KCNAB2: variants seen among roughly 807,000 people sequenced by gnomAD.
KCNAB2 encodes the protein potassium voltage-gated channel subfamily A regulatory beta subunit 2.
A neutral mutation model predicts 63.6 loss-of-function variants in KCNAB2; 29 were observed. That is an observed-to-expected ratio of 0.46 (90% CI 0.34 to 0.62). The LOEUF (loss-of-function observed/expected upper bound fraction) is 0.62. Among genes scored for constraint, KCNAB2 ranks in the 20% least tolerant of loss-of-function variants. KCNAB2 has a pLI of 0.01. For missense variants in KCNAB2, 359 were observed against 563.9 expected (o/e 0.64, Z 3.68); for synonymous variants, 222 against 224.2 (o/e 0.99, Z 0.09).
rs1314219915 is a variant in KCNAB2 at position 6,028,271 on chromosome 1, C to T, written c.-52-12246C>T. ...TGTGTAAGTGCCCTTCTGTGTCATG[C>T]GGTTTTGAGCAGTTATACCTCTTCC... On this transcript the variant is annotated intron_variant, in intron 1 of 16. Coordinates refer to the KCNAB2 transcript ENST00000341524. The surrounding 1 kb of genome is among the most constrained non-coding windows in gnomAD (Gnocchi z 4.0). 2.6e-5 allele frequency among the ~76,000 whole-genome samples: 4 copies of T among 152,188 alleles called. No individual in the cohort carries two copies. The highest frequency in any genetic ancestry group is 1.9e-4 in the East Asian group (1 of 5,192).
chr1:6,075,975 C>T (rs143047700), intron 4 of KCNAB2, among the ~76,000 whole-genome samples: 6 of 152,360 alleles, frequency 3.9e-5, no homozygotes, highest in Non-Finnish European at 5.9e-5. Flanking sequence ...GACATAGCCA[C>T]GCCCATCATT....
intron 2 of KCNAB2, among the ~76,000 whole-genome samples, chr1:6,053,863 C>T (rs572819287): frequency 6.6e-5 from 10 of 151,840 alleles, no homozygotes; most frequent in Non-Finnish European, 1.0e-4. Context: ...GGTAACATGG[C>T]GAAACCCCAT....
rs545211704 is a variant in KCNAB2, at chr1:6,038,043, T to A, written c.-52-2474T>A. On this transcript the variant is annotated intron_variant, in intron 1 of 15. Coordinates refer to the KCNAB2 transcript ENST00000164247. ...GCGCCCGCCATCACACCCAGCTAAT[T>A]TTTTTTGTATTTTTTAGTAGAGACG... Among the ~76,000 whole-genome samples the A allele has an allele frequency of 1.5e-4, 22 of 151,600 alleles. No homozygotes were observed. In the South Asian group the frequency reaches 1.9e-3, roughly 13 times the overall value.
Position 6,099,906 on chromosome 1 carries a change from C to A in KCNAB2, c.*1332C>A. The A allele has an allele frequency of 6.5e-7, 1 of 1,550,368 alleles. No individual in the cohort carries two copies. Among genetic ancestry groups the A allele is most frequent in the Non-Finnish European group, 8.7e-7 (1 of 1,146,896 alleles). On this transcript the variant is annotated 3_prime_UTR_variant, in exon 16 of 16. Transcript: ENST00000378083. ...AGGGCAAGGGATGCCAGTAAGTCTG[C>A]AGGTGCGGGGTGCCACCTACAGGCC... is the stretch of plus-strand genomic sequence containing the variant.
At position 6,051,681 on chromosome 1, in the gene KCNAB2, A is replaced by T. The variant is rs1006377045; in HGVS notation, c.145A>T (p.Met49Leu). ...GCGGGCGGCTGCCCAGGCCAGGAACATGGAGAGCTTCCTCCGCATGCACGG... is the reference window on the plus strand; with the variant it reads ...GCGGGCGGCTGCCCAGGCCAGGAACTTGGAGAGCTTCCTCCGCATGCACGG... ...EVRAAAQARN[M>L]ESFLRMHGLS... Residue 49 changes from methionine (M) to leucine (L), a missense_variant, in exon 2 of 16, where the codon ATG (methionine) becomes TTG (leucine). By Grantham distance (15) the Met-to-Leu change is conservative. Transcript: ENST00000378083. 4 of 1,533,912 alleles carry T rather than the reference A, an allele frequency of 2.6e-6. No individual in the cohort carries two copies. Among genetic ancestry groups the T allele is most frequent in the East Asian group, 2.4e-5 (1 of 40,914 alleles).
At position 6,096,131 on chromosome 1, in the gene KCNAB2, C is replaced by T. The variant is rs539056137; in HGVS notation, c.949-505C>T. The T allele has an allele frequency of 1.1e-5, 5 of 457,698 alleles. No individual in the cohort carries two copies. Among genetic ancestry groups the T allele is most frequent in the East Asian group, 6.9e-5 (1 of 14,402 alleles). The allele number at this position is 457,698 out of a possible 1,614,324, so 28.4% of individuals were successfully genotyped here. On this transcript the variant is annotated intron_variant, in intron 13 of 15. Transcript: ENST00000378083. This position sits in a 1 kb window ranked among gnomAD's most constrained non-coding sequence, Gnocchi z 5.9. ...AGAAAGTCTGCCCAGCCAGCAGTCT[C>T]AGCACTGGGGCCCACAGCCCTGGGT...
Position 6,051,642 on chromosome 1 carries a change from C to T in KCNAB2, c.106C>T (p.Arg36Trp), listed in dbSNP as rs1454004441. 15 of 1,534,248 alleles carry T rather than the reference C, an allele frequency of 9.8e-6. No individual in the cohort carries two copies. The highest frequency in any genetic ancestry group is 1.4e-5 in the African/African-American group (1 of 73,010). ...CCAGACGGACACGCTGGAACTGCAG[C>T]GGCTGCGGGAGGTGCGGGCGGCTGC... ...VRQTDTLELQ[R>W]LREVRAAAQA... is the part of the protein sequence containing the mutation. Residue 36 changes from arginine (R) to tryptophan (W), a missense_variant, in exon 2 of 16, where the codon CGG becomes TGG. Arg to Trp is a moderately radical substitution (Grantham distance 101). Coordinates refer to ENST00000378083, the MANE Select transcript of KCNAB2 (RefSeq NM_001199862.2).
intron 1 of KCNAB2, among the ~76,000 whole-genome samples, chr1:6,026,927 G>A (rs775308506): frequency 3.9e-5 from 6 of 152,192 alleles, no homozygotes; most frequent in Non-Finnish European, 7.3e-5. Context: ...TGGAAGGCGC[G>A]AAGGCCCCTG....
At chr1:6,082,906 G>T (rs1384341611) in intron 5 of KCNAB2, among the ~76,000 whole-genome samples, 7 of 152,162 alleles carry the variant, frequency 4.6e-5, no homozygotes, top group African/African-American at 1.7e-4. Flanking sequence ...CCGTCAGCCG[G>T]GCAGGCTGCA....
At chr1:6,025,699 TAG>T (rs1659103171) in intron 1 of KCNAB2, among the ~76,000 whole-genome samples, 1 of 152,200 alleles carries the variant, frequency 6.6e-6, no homozygotes, top group Non-Finnish European at 1.5e-5. Context: ...GAGCACACTT[TAG>T]AGTCAGCCAG....
chr1:6,036,867 G>A (rs1660084344), intron 1 of KCNAB2, among the ~76,000 whole-genome samples: 1 of 152,178 alleles, frequency 6.6e-6, no homozygotes, highest in South Asian at 2.1e-4. Context: ...CGTAGAGCAG[G>A]TGCCCATAGA....
Position 6,035,030 on chromosome 1 carries a change from G to C in KCNAB2, c.-53+236G>C, listed in dbSNP as rs879751889. Among the ~76,000 whole-genome samples, 3 of 152,158 alleles carry C rather than the reference G, an allele frequency of 2.0e-5. No individual in the cohort carries two copies. Among genetic ancestry groups the C allele is most frequent in the Non-Finnish European group, 4.4e-5 (3 of 68,028 alleles). ...GGAGTGTGGGGGAGACGGGGACTGCGATGAAAGGGAGGCGTCCAGGGAAGA... is the reference window on the plus strand; with the variant it reads ...GGAGTGTGGGGGAGACGGGGACTGCCATGAAAGGGAGGCGTCCAGGGAAGA... On this transcript the variant is annotated intron_variant, in intron 1 of 15. Transcript: ENST00000164247. This position sits in a 1 kb window ranked among gnomAD's most constrained non-coding sequence, Gnocchi z 5.0.
intron 4 of KCNAB2, among the ~76,000 whole-genome samples, chr1:6,079,101 G>A (rs1203618840): frequency 6.6e-6 from 1 of 152,182 alleles, no homozygotes; most frequent in Non-Finnish European, 1.5e-5. Context: ...GCTCCCCAGG[G>A]TTTGACCGGA....
chr1:6,095,465 G>GCGCCCCC, intron 12 of KCNAB2, 22 bp downstream of exon 12: 4 of 1,586,118 alleles, frequency 2.5e-6, no homozygotes, highest in Non-Finnish European at 3.5e-6. Flanking sequence ...CGGGCCCCTC[G>GCGCCCCC]CCCCGCCCCA....
In KCNAB2 at chr1:6,079,583, T is replaced by G. The variant is rs562767394; in HGVS notation, c.301-2612T>G. Among the ~76,000 whole-genome samples the G allele has an allele frequency of 7.2e-5, 11 of 152,048 alleles. 1 individual carries two copies. In the South Asian group the frequency reaches 2.3e-3, roughly 32 times the overall value. ...CATGTGATACCCCTTGGATGAACCT[T>G]GAACCTTGAGGACATTACACTCACT... is the stretch of plus-strand genomic sequence containing the variant. On this transcript the variant is annotated intron_variant, in intron 4 of 15. Transcript: ENST00000378083.
intron 1 of KCNAB2, among the ~76,000 whole-genome samples, chr1:6,016,698 G>A (rs942634210): frequency 6.6e-6 from 1 of 152,210 alleles, no homozygotes; most frequent in East Asian, 1.9e-4. Context: ...GACGGCAGCG[G>A]TGACACTGCA....
At chr1:6,008,447 C>T (rs1257634351) in intron 1 of KCNAB2, among the ~76,000 whole-genome samples, 3 of 152,074 alleles carry the variant, frequency 2.0e-5, no homozygotes, top group Admixed American at 6.6e-5. Context: ...ACGGTGAAAC[C>T]CCGTCTCTAC....
In KCNAB2 at chr1:6,100,022, C is replaced by T; in HGVS notation, c.*1448C>T. The T allele has an allele frequency of 6.5e-7, 1 of 1,529,586 alleles. No individual in the cohort carries two copies. Among genetic ancestry groups the T allele is most frequent in the Non-Finnish European group, 8.8e-7 (1 of 1,136,182 alleles). 94.8% of individuals were successfully genotyped at this position (1,529,586 alleles called of 1,614,324 possible). A position where few individuals can be genotyped will look rare whatever the true frequency, so the allele number is the denominator to read the frequency against. On this transcript the variant is annotated 3_prime_UTR_variant, in exon 16 of 16. Coordinates refer to ENST00000378083, the MANE Select transcript of KCNAB2 (RefSeq NM_001199862.2). Reference sequence around the variant, plus strand: ...ACCCCCACCCCTCGCCAGCTAGCTCCATAGGGAAGCCTGTGTCTCCTGCCC... The same window carrying T: ...ACCCCCACCCCTCGCCAGCTAGCTCTATAGGGAAGCCTGTGTCTCCTGCCC...
At chr1:6,065,889 C>A (rs916422761) in intron 2 of KCNAB2, among the ~76,000 whole-genome samples, 2 of 152,220 alleles carry the variant, frequency 1.3e-5, no homozygotes, top group Non-Finnish European at 2.9e-5. Context: ...AGCTGTGCAG[C>A]CTTCTTCCCC....
Sources: allele counts gnomAD v4.1 joint callset (sites outside exome capture counted in the v4.1 genomes callset), GRCh38; gene constraint gnomAD v4.1.1; non-coding constraint Gnocchi (gnomAD v3.1); transcripts MANE v1.5; gene names NCBI Gene and HGNC (gene_info 2026-07-23, HGNC 2026-07-21).